Variants in SATL1 observed in about 807,000 individuals in gnomAD.
SATL1 encodes the protein spermidine/spermine N(1)-acetyltransferase-like protein 1.
SATL1 carries 47 observed loss-of-function variants against 51.8 expected under a neutral mutation model. The ratio of observed to expected loss-of-function variants is 0.91; its 90% confidence interval spans 0.72 to 1.16. SATL1 has a LOEUF of 1.16. SATL1 is among the 50% of genes most tolerant of loss of function. The probability of loss-of-function intolerance (pLI) is 0.00; values close to 1 mark genes in which losing one functional copy is unlikely to be tolerated. For synonymous variants in SATL1, 176 were observed against 182.4 expected (o/e 0.97, Z 0.28); for missense variants, 520 against 526.4 (o/e 0.99, Z 0.12).
At position 85,094,152 on chromosome X, in the gene SATL1, A is replaced by C; in HGVS notation, c.1852T>G (p.Phe618Val). 8.5e-7 allele frequency: 1 copy of C among 1,178,725 alleles called. No homozygotes were observed. The highest frequency in any genetic ancestry group is 1.8e-5 in the South Asian group (1 of 55,613). The stretch of plus-strand genomic sequence containing the variant: ...CCTTGGTAAGCTTGTGTGACATAAA[A>C]GTCCTCTAGGTAAAGTACCTTGCCA... ...WTGKVLYLED[F>V]YVTQAYQGLG... Residue 618 changes from phenylalanine (F) to valine (V), a missense_variant, in exon 6 of 8, where the codon TTT (phenylalanine) becomes GTT (valine). Physicochemically the swap from Phe to Val is conservative, Grantham distance 50. Transcript: ENST00000644105.
chrX:85,110,086 C>A (rs988397833), intron 2 of SATL1, among the ~76,000 whole-genome samples: 1 of 111,912 alleles, frequency 8.9e-6, no homozygotes, highest in Non-Finnish European at 1.9e-5. Context: ...GTGGAATGTA[C>A]GTTTCATTTT....
At chrX:85,226,869 C>A (rs1928285256) in intron 1 of SATL1, among the ~76,000 whole-genome samples, 1 of 111,067 alleles carries the variant, frequency 9.0e-6, no homozygotes, top group Non-Finnish European at 1.9e-5. Context: ...ATTCTTCAAC[C>A]TTTATAAGAT....
intron 1 of SATL1, among the ~76,000 whole-genome samples, chrX:85,241,583 A>G (rs968618418): frequency 1.8e-5 from 2 of 111,951 alleles, no homozygotes; most frequent in Non-Finnish European, 3.8e-5. Context: ...TCTTCCTTTA[A>G]ATAAGTATTG....
intron 2 of SATL1, among the ~76,000 whole-genome samples, chrX:85,119,129 G>A (rs66855758): frequency 0.15 from 16,638 of 110,713 alleles, 1,930 homozygotes; most frequent in African/African-American, 0.39. Flanking sequence ...ATCACAATGA[G>A]TTAGGCATAA....
intron 2 of SATL1, among the ~76,000 whole-genome samples, chrX:85,129,696 C>G (rs756709768): frequency 2.8e-4 from 31 of 111,292 alleles, no homozygotes; most frequent in South Asian, 7.5e-4. Context: ...GAATAGGAGT[C>G]GTGAGAGAGG....
chrX:85,107,117 GTTA>G (rs934778028), intron 3 of SATL1, among the ~76,000 whole-genome samples: 2 of 111,615 alleles, frequency 1.8e-5, no homozygotes, highest in African/African-American at 6.5e-5. Context: ...ATCATTTTAT[GTTA>G]TTGTTTCATA....
rs1036406975 is a variant in SATL1, at chrX:85,201,895, C to T, written c.-313+22310G>A. On this transcript the variant is annotated intron_variant, in intron 2 of 7. Transcript: ENST00000644105. ...GGCATTTAGGTTGATTCCATGTCTT[C>T]GCTATTGTGAACAGTGCTGCAATGA... Among the ~76,000 whole-genome samples the T allele has an allele frequency of 8.9e-5, 10 of 112,107 alleles. No homozygotes were observed. In the East Asian group the frequency reaches 1.1e-3, roughly 13 times the overall value.
At chrX:85,116,713 C>G (rs2147698485) in intron 2 of SATL1, among the ~76,000 whole-genome samples, 1 of 111,140 alleles carries the variant, frequency 9.0e-6, no homozygotes, top group African/African-American at 3.3e-5. Flanking sequence ...TGATGGTCGC[C>G]TGACATTCCT....
At chrX:85,189,645 A>G (rs908867990) in intron 2 of SATL1, among the ~76,000 whole-genome samples, 1 of 112,130 alleles carries the variant, frequency 8.9e-6, no homozygotes, top group Admixed American at 9.5e-5. Flanking sequence ...TAATATATGG[A>G]GTTTTCAGAA....
intron 2 of SATL1, among the ~76,000 whole-genome samples, chrX:85,172,165 C>T (rs1412601503): frequency 9.0e-6 from 1 of 111,124 alleles, no homozygotes; most frequent in Non-Finnish European, 1.9e-5. Context: ...GGAACTTTTA[C>T]TGGGAGAAAA....
At chrX:85,197,470 C>A (rs1927591143) in intron 2 of SATL1, among the ~76,000 whole-genome samples, 1 of 108,053 alleles carries the variant, frequency 9.3e-6, no homozygotes, top group Admixed American at 9.9e-5. Flanking sequence ...AATACTAGAT[C>A]TTTATTTATT....
rs572624407 is a variant in SATL1 at position 85,169,319 on chromosome X, A to G, written c.-313+54886T>C. On this transcript the variant is annotated intron_variant, in intron 2 of 7. Coordinates refer to ENST00000644105, the MANE Select transcript of SATL1 (RefSeq NM_001367857.2). ...TTCTGCACAGCAAAAGAAACTATCA[A>G]CAAAGTAAGCAGATGACCTATAGAA... Among the ~76,000 whole-genome samples, 17 of 111,773 alleles carry G rather than the reference A, an allele frequency of 1.5e-4. 1 individual carries two copies. In the South Asian group the frequency reaches 6.3e-3, roughly 41 times the overall value.
At chrX:85,215,142 C>T (rs891668288) in intron 2 of SATL1, among the ~76,000 whole-genome samples, 2 of 111,653 alleles carry the variant, frequency 1.8e-5, no homozygotes, top group African/African-American at 3.3e-5. Context: ...TTACAGCTTG[C>T]GTCCTCTGGA....
At chrX:85,195,016 G>GTA (rs1927524475) in intron 2 of SATL1, among the ~76,000 whole-genome samples, 1 of 101,436 alleles carries the variant, frequency 9.9e-6, no homozygotes, top group African/African-American at 4.4e-5. Flanking sequence ...AGGACTTAAA[G>GTA]TGTATATATA....
At chrX:85,124,455 G>T (rs895322181) in intron 2 of SATL1, among the ~76,000 whole-genome samples, 3 of 112,059 alleles carry the variant, frequency 2.7e-5, no homozygotes, top group Non-Finnish European at 5.6e-5. Context: ...CAGAACTATT[G>T]TGAAGAATAA....
intron 2 of SATL1, among the ~76,000 whole-genome samples, chrX:85,149,863 G>A (rs1165721242): frequency 9.0e-6 from 1 of 111,510 alleles, no homozygotes; most frequent in East Asian, 2.8e-4. Context: ...GAGAAAGCAG[G>A]AAAGATCTAA....
intron 2 of SATL1, among the ~76,000 whole-genome samples, chrX:85,184,516 C>A (rs186590099): frequency 9.0e-6 from 1 of 111,373 alleles, no homozygotes; most frequent in African/African-American, 3.3e-5. Flanking sequence ...TCATTCTTTT[C>A]TATTCATTTT....
rs749903514 is a variant in SATL1 at position 85,108,987 on chromosome X, T to A, written c.-19A>T. 4 of 1,178,872 alleles carry A rather than the reference T, an allele frequency of 3.4e-6. No homozygotes were observed. The highest frequency in any genetic ancestry group is 3.4e-6 in the Non-Finnish European group (3 of 875,900). ...GGTTCATGCCCAGTTGATTCCTGCTTTGTTGACTAAGGATGGGGTGGCAGA... is the reference window on the plus strand; with the variant it reads ...GGTTCATGCCCAGTTGATTCCTGCTATGTTGACTAAGGATGGGGTGGCAGA... On this transcript the variant is annotated 5_prime_UTR_variant, in exon 3 of 8. Coordinates refer to ENST00000644105, the MANE Select transcript of SATL1 (RefSeq NM_001367857.2).
At chrX:85,151,819 A>C (rs994248337) in intron 2 of SATL1, among the ~76,000 whole-genome samples, 2 of 111,978 alleles carry the variant, frequency 1.8e-5, no homozygotes, top group African/African-American at 6.5e-5. Context: ...AATCAATTCA[A>C]GATGATTAAA....
Sources: gnomAD v4.1 joint callset for allele counts (sites outside exome capture counted in the v4.1 genomes callset) on GRCh38, gnomAD v4.1.1 for gene constraint, MANE v1.5 for transcripts, NCBI Gene and HGNC (gene_info 2026-07-23, HGNC 2026-07-21) for gene names.